COQ8A: variants seen among roughly 807,000 people sequenced by gnomAD.
The protein encoded by COQ8A is coenzyme Q8A.
In COQ8A, 51 loss-of-function variants were observed where a neutral mutation model predicts 65.0. The observed-to-expected ratio is 0.78, with a 90% CI of 0.63 to 0.99. COQ8A has a LOEUF of 0.99. Among genes scored for constraint, COQ8A ranks in the 50% least tolerant of loss-of-function variants. The pLI is 0.00. For synonymous variants in COQ8A, 371 were observed against 353.2 expected (o/e 1.05, Z -0.57); for missense variants, 940 against 875.0 (o/e 1.07, Z -0.94).
chr1:226,982,182 T>C, intron 6 of COQ8A, 33 bp downstream of exon 6: 5 of 1,549,064 alleles, frequency 3.2e-6, no homozygotes, highest in Non-Finnish European at 4.4e-6. Context: ...GCCCCGGGAC[T>C]GCGTGGGCTG....
rs73085799 is a variant in COQ8A at position 226,941,862 on chromosome 1, T to G, written c.-10+1463T>G. ...GCGGACTATGCAGAATCGTAATGAT[T>G]TGGGGCCTAATGTTGAGCAACTCAA... On this transcript the variant is annotated intron_variant, in intron 1 of 14. Transcript: ENST00000366777. 5.7e-3 allele frequency among the ~76,000 whole-genome samples: 871 copies of G among 151,954 alleles called. 8 individuals are homozygous for G. The highest frequency in any genetic ancestry group is 0.02 in the African/African-American group (818 of 41,420).
intron 2 of COQ8A, among the ~76,000 whole-genome samples, chr1:226,963,436 A>AC (rs139213109): frequency 2.6e-5 from 4 of 151,076 alleles, no homozygotes; most frequent in African/African-American, 4.9e-5. Flanking sequence ...GGCCCTGGGG[A>AC]CCCCCCCACT....
chr1:226,961,164 C>A (rs778663899), intron 1 of COQ8A, among the ~76,000 whole-genome samples: 2 of 152,194 alleles, frequency 1.3e-5, no homozygotes, highest in East Asian at 3.9e-4. Context: ...ACTGACTCAA[C>A]GGCCTTTATT....
chr1:226,986,721 GGCAGGCCCAGCAGTAGGGC>G lies in COQ8A; in HGVS notation c.1929_*3del. On this transcript the variant is annotated stop_lost and 3_prime_UTR_variant, in exon 15 of 15. Transcript: ENST00000366777. ...GAGGCCTACAGCAACTACTGCAAGA[GGCAGGCCCAGCAGTAGGGC>G]TGCGGGCCACGCCCAGGCCGGCTCC... 1 of 1,613,460 alleles carries G rather than the reference GGCAGGCCCAGCAGTAGGGC, an allele frequency of 6.2e-7. No individual in the cohort carries two copies. The highest frequency in any genetic ancestry group is 8.5e-7 in the Non-Finnish European group (1 of 1,180,022).
chr1:226,955,391 ACTCTCCCTGGCTGC>A (rs1657629069), intron 1 of COQ8A, among the ~76,000 whole-genome samples: 2 of 138,300 alleles, frequency 1.4e-5, no homozygotes, highest in South Asian at 2.4e-4. Context: ...CCTGGCTCCC[ACTCTCCCTGGCTGC>A]CACTCTCCCT....
Position 226,986,998 on chromosome 1 carries a change from AAAGGGCAACTTTGTT to A in COQ8A, c.*262_*276del. 1 of 552,730 alleles carries A rather than the reference AAAGGGCAACTTTGTT, an allele frequency of 1.8e-6. No homozygotes were observed. The highest frequency in any genetic ancestry group is 3.2e-6 in the Non-Finnish European group (1 of 308,082). The allele number at this position is 552,730 out of a possible 1,614,324, so 34.2% of individuals were successfully genotyped here. A position where few individuals can be genotyped will look rare whatever the true frequency, so the allele number is the denominator to read the frequency against. On this transcript the variant is annotated 3_prime_UTR_variant, in exon 15 of 15. Transcript: ENST00000366777. ...CCTCTGAAATAAGCAGATGAAGATG[AAAGGGCAACTTTGTT>A]TTCTTCTTTTTCCTGATGTGAATGT...
intron 14 of COQ8A, 51 bp from the exon 15 acceptor site, chr1:226,986,402 G>A (rs1450412771): frequency 1.2e-6 from 2 of 1,600,276 alleles, no homozygotes; most frequent in Non-Finnish European, 1.7e-6. Flanking sequence ...ACCCGGGCTG[G>A]TGGAGGGCTC....
In COQ8A at chr1:226,954,390, C is replaced by T. The variant is rs369294891; in HGVS notation, c.-9-6987C>T. Among the ~76,000 whole-genome samples, 17 of 152,374 alleles carry T rather than the reference C, an allele frequency of 1.1e-4. No homozygotes were observed. In the South Asian group the frequency reaches 3.5e-3, roughly 32 times the overall value. The stretch of plus-strand genomic sequence containing the variant: ...TGGGCCACCTCTGCTCCCCTTCCCT[C>T]TCTTCCTCCAGAACCGGGGTTCTCA... On this transcript the variant is annotated intron_variant, in intron 1 of 14. Transcript: ENST00000366777.
In COQ8A at chr1:226,987,002, G is replaced by A. The variant is rs1018817035; in HGVS notation, c.*265G>A. 5 of 544,354 alleles carry A rather than the reference G, an allele frequency of 9.2e-6. No individual in the cohort carries two copies. The highest frequency in any genetic ancestry group is 1.7e-5 in the Non-Finnish European group (5 of 302,934). 33.7% of individuals were successfully genotyped at this position (544,354 alleles called of 1,614,324 possible). On this transcript the variant is annotated 3_prime_UTR_variant, in exon 15 of 15. Transcript: ENST00000366777. ...TGAAATAAGCAGATGAAGATGAAAG[G>A]GCAACTTTGTTTTCTTCTTTTTCCT...
rs760272803 is a variant in COQ8A, at chr1:226,965,158, C to T, written c.336C>T (p.Ser112=). The stretch of plus-strand genomic sequence containing the variant: ...CCCCATCCCTGGGTCATGCCCACAG[C>T]GAGGGCCCAGCTCCTGCCTACGTGG... ...SAPPSLGHAH[S]EGPAPAYVAS... is the part of the protein sequence containing the mutation. Residue 112 remains serine (S), a synonymous_variant, in exon 3 of 15, where the codon AGC becomes AGT. Coordinates refer to ENST00000366777, the MANE Select transcript of COQ8A (RefSeq NM_020247.5). 6.2e-6 allele frequency: 10 copies of T among 1,613,872 alleles called. No homozygotes were observed. The highest frequency in any genetic ancestry group is 1.3e-5 in the African/African-American group (1 of 75,068).
Position 226,981,866 on chromosome 1 carries a change from T to C in COQ8A, c.731-161T>C, listed in dbSNP as rs143481309. On this transcript the variant is annotated intron_variant, in intron 5 of 14. Coordinates refer to ENST00000366777, the MANE Select transcript of COQ8A (RefSeq NM_020247.5). ...GCCTGGGCATGTGGCTCACACAGGC[T>C]TGGGGAGGTGGACATGGAACAGTAG... Among the ~76,000 whole-genome samples the C allele has an allele frequency of 6.0e-3, 917 of 152,266 alleles. 10 individuals are homozygous for C. Among genetic ancestry groups the C allele is most frequent in the African/African-American group, 0.021 (863 of 41,524 alleles).
chr1:226,976,471 G>A (rs1400293345), intron 4 of COQ8A, among the ~76,000 whole-genome samples: 3 of 152,076 alleles, frequency 2.0e-5, no homozygotes, highest in Non-Finnish European at 2.9e-5. Flanking sequence ...TGCGGGGTGC[G>A]GGGCTCTCCG....
intron 12 of COQ8A, 70 bp from the exon 13 acceptor site, chr1:226,984,806 C>G (rs560122429): frequency 1.3e-6 from 2 of 1,560,460 alleles, no homozygotes; most frequent in East Asian, 2.2e-5. Context: ...TGTTGCACCC[C>G]CTTCCCGGCC....
rs942056497 is a variant in COQ8A at position 226,961,553 on chromosome 1, G to A, written c.168G>A (p.Gly56=). The change falls in exon 2 of 15, where the codon GGG becomes GGA. Residue 56 remains glycine, a synonymous_variant. Transcript: ENST00000366777. ...TGGAGCAGATTGGCATGTTCTTGGG[G>A]AAGGTGCAGGTAAGGGGGCCTGGCA... The part of the protein sequence containing the change: ...TAVEQIGMFL[G]KVQGQDKHEE... 1 of 1,612,142 alleles carries A rather than the reference G, an allele frequency of 6.2e-7. No homozygotes were observed. Among genetic ancestry groups the A allele is most frequent in the Non-Finnish European group, 8.5e-7 (1 of 1,178,600 alleles).
At chr1:226,966,647 T>A (rs1414420843) in intron 4 of COQ8A, among the ~76,000 whole-genome samples, 1 of 152,206 alleles carries the variant, frequency 6.6e-6, no homozygotes, top group Non-Finnish European at 1.5e-5. Flanking sequence ...ATGATGGTGC[T>A]GGTGCTGGGT....
At chr1:226,977,044 G>A (rs985291946) in intron 4 of COQ8A, among the ~76,000 whole-genome samples, 3 of 152,204 alleles carry the variant, frequency 2.0e-5, no homozygotes, top group Admixed American at 6.5e-5. Context: ...CCTGAAGCGG[G>A]TGGTTGTGTT....
chr1:226,976,176 G>GGGGCTGCA lies in COQ8A; in HGVS notation c.656-1266_656-1265insAGGGCTGC, dbSNP rs1231648714. On this transcript the variant is annotated intron_variant, in intron 4 of 14. Transcript: ENST00000366777. The stretch of plus-strand genomic sequence containing the variant: ...TGGGACTGCGATGTTGCCTGGCTGC[G>GGGGCTGCA]GGGCTGCGGGACTGCGGGGCTGTGG... Among the ~76,000 whole-genome samples, 36 of 27,750 alleles carry GGGGCTGCA rather than the reference G, an allele frequency of 1.3e-3. 1 individual carries two copies. In the East Asian group the frequency reaches 0.018, roughly 14 times the overall value. 18.2% of individuals were successfully genotyped at this position (27,750 alleles called of 152,430 possible).
At chr1:226,968,772 T>A (rs1179146885) in intron 4 of COQ8A, among the ~76,000 whole-genome samples, 1 of 152,194 alleles carries the variant, frequency 6.6e-6, no homozygotes, top group African/African-American at 2.4e-5. Flanking sequence ...TTCCAGGGGC[T>A]CATTTTGATG....
At chr1:226,961,047 T>C (rs1658221793) in intron 1 of COQ8A, among the ~76,000 whole-genome samples, 1 of 152,202 alleles carries the variant, frequency 6.6e-6, no homozygotes, top group Non-Finnish European at 1.5e-5. Context: ...GTCCTGGTTC[T>C]GCTGCGAATC....
Sources: gnomAD v4.1 joint callset for allele counts (sites outside exome capture counted in the v4.1 genomes callset) on GRCh38, gnomAD v4.1.1 for gene constraint, MANE v1.5 for transcripts, NCBI Gene and HGNC (gene_info 2026-07-23, HGNC 2026-07-21) for gene names.